The following BBS9 variants were observed in gnomAD, a reference collection of about 807,000 sequenced individuals.
BBS9 encodes protein PTHB1.
Under a neutral mutation model 117.7 loss-of-function variants are expected in BBS9, and 89 were observed. The ratio of observed to expected loss-of-function variants is 0.76; its 90% CI spans 0.64 to 0.90. The LOEUF (loss-of-function observed/expected upper bound fraction) is 0.90, where lower values mean the gene tolerates loss of function less well. Among genes scored for constraint, BBS9 ranks in the 40% least tolerant of loss-of-function variants. The probability of loss-of-function intolerance (pLI) is 0.00; values close to 1 mark genes in which losing one functional copy is unlikely to be tolerated. For synonymous variants in BBS9, 379 were observed against 370.9 expected, an observed-to-expected ratio of 1.02 and a Z score of -0.25; for missense variants, 982 against 1,042.2, an observed-to-expected ratio of 0.94 and a Z score of 0.80.
intron 9 of BBS9, among the ~76,000 whole-genome samples, chr7:33,307,986 G>T (rs944188768): frequency 6.6e-6 from 1 of 152,174 alleles, no homozygotes; most frequent in Non-Finnish European, 1.5e-5. Context: ...CTCCAAAGTG[G>T]CCTAAGTCGA....
chr7:33,495,746 A>C (rs1265063915), intron 19 of BBS9, among the ~76,000 whole-genome samples: 3 of 152,188 alleles, frequency 2.0e-5, no homozygotes, highest in Non-Finnish European at 4.4e-5. Flanking sequence ...CAGGCTTGAG[A>C]TCAGTTGTAT....
chr7:33,464,302 G>T (rs1300720973), intron 19 of BBS9, among the ~76,000 whole-genome samples: 1 of 152,032 alleles, frequency 6.6e-6, no homozygotes, highest in Non-Finnish European at 1.5e-5. Context: ...AAAACTAAGG[G>T]TTGTAGATCA....
chr7:33,563,426 C>G (rs1856387808), intron 21 of BBS9, among the ~76,000 whole-genome samples: 1 of 152,138 alleles, frequency 6.6e-6, no homozygotes, highest in Admixed American at 6.5e-5. Flanking sequence ...TCCACTGACA[C>G]AGGAGGTAAA....
At chr7:33,476,377 G>A (rs1841806521) in intron 19 of BBS9, among the ~76,000 whole-genome samples, 1 of 152,196 alleles carries the variant, frequency 6.6e-6, no homozygotes, top group South Asian at 2.1e-4. Context: ...TTAGAGGGAT[G>A]CAGGCATTTC....
chr7:33,469,172 C>A (rs959992047), intron 19 of BBS9, among the ~76,000 whole-genome samples: 6 of 152,104 alleles, frequency 3.9e-5, no homozygotes, highest in Non-Finnish European at 7.3e-5. Context: ...AATAAAGAGA[C>A]TGAGGAATGC....
chr7:33,404,483 A>C (rs1829558191), intron 19 of BBS9, among the ~76,000 whole-genome samples: 1 of 152,068 alleles, frequency 6.6e-6, no homozygotes. Context: ...TGAGCATGGA[A>C]TGTTCTTCCA....
At chr7:33,569,892 C>T (rs370109742) in intron 21 of BBS9, among the ~76,000 whole-genome samples, 52 of 152,178 alleles carry the variant, frequency 3.4e-4, no homozygotes, top group East Asian at 1.5e-3. Context: ...GGCCTGGGAG[C>T]AAAGACATAC....
At chr7:33,355,848 A>T (rs1211058031) in intron 15 of BBS9, among the ~76,000 whole-genome samples, 1 of 151,888 alleles carries the variant, frequency 6.6e-6, no homozygotes, top group African/African-American at 2.4e-5. Context: ...TCAAATATAT[A>T]GGCTCAGTCA....
chr7:33,536,353 T>C (rs1851366932), intron 21 of BBS9, among the ~76,000 whole-genome samples: 1 of 152,188 alleles, frequency 6.6e-6, no homozygotes, highest in Non-Finnish European at 1.5e-5. Flanking sequence ...AATTGTTAAA[T>C]CAGCACTTGT....
chr7:33,176,870 A>T (rs925147962), intron 4 of BBS9, among the ~76,000 whole-genome samples: 2 of 152,208 alleles, frequency 1.3e-5, no homozygotes, highest in African/African-American at 2.4e-5. Flanking sequence ...TTTGGAAAGA[A>T]CTAGAAAGTG....
rs777883238 is a variant in BBS9 at position 33,383,652 on chromosome 7, T to C, written c.1790-14T>C. On this transcript the variant is annotated splice_polypyrimidine_tract_variant and intron_variant, in intron 17 of 22. Transcript: ENST00000242067. ...TGTGTTACTAAGCATTTTTCCTTAA[T>C]TTTTTTCTCTCAGAACGATATCGCA... 4 of 1,591,930 alleles carry C rather than the reference T, an allele frequency of 2.5e-6. No homozygotes were observed. The highest frequency in any genetic ancestry group is 3.4e-6 in the Non-Finnish European group (4 of 1,166,110).
intron 19 of BBS9, among the ~76,000 whole-genome samples, chr7:33,492,469 G>T (rs1266239918): frequency 6.6e-6 from 1 of 152,126 alleles, no homozygotes; most frequent in East Asian, 1.9e-4. Context: ...CACTTATGAT[G>T]AGGACGATCT....
intron 19 of BBS9, among the ~76,000 whole-genome samples, chr7:33,499,336 G>T (rs1271762135): frequency 3.9e-5 from 6 of 152,298 alleles, no homozygotes; most frequent in Non-Finnish European, 7.4e-5. Flanking sequence ...ACATAAAGCT[G>T]CTTGGTAGCA....
intron 19 of BBS9, among the ~76,000 whole-genome samples, chr7:33,478,894 T>A (rs1842153953): frequency 7.7e-6 from 1 of 130,090 alleles, no homozygotes; most frequent in Non-Finnish European, 1.6e-5. Flanking sequence ...TTTTTTTTTT[T>A]AGCAATTTAA....
chr7:33,203,204 T>TA (rs1324005478), intron 5 of BBS9, among the ~76,000 whole-genome samples: 2 of 152,174 alleles, frequency 1.3e-5, no homozygotes, highest in African/African-American at 2.4e-5. Flanking sequence ...TGCTGGCTGA[T>TA]AAAAACTACA....
At chr7:33,544,177 A>ATTT (rs1563334801) in intron 21 of BBS9, among the ~76,000 whole-genome samples, 2 of 152,138 alleles carry the variant, frequency 1.3e-5, no homozygotes, top group Non-Finnish European at 2.9e-5. Flanking sequence ...CTTAATAACT[A>ATTT]ACCTCCTGAA....
intron 5 of BBS9, among the ~76,000 whole-genome samples, chr7:33,223,186 A>C (rs1052055371): frequency 1.3e-5 from 2 of 151,992 alleles, no homozygotes; most frequent in Non-Finnish European, 2.9e-5. Flanking sequence ...TTGACAAATA[A>C]AACTTTTATA....
chr7:33,370,382 A>T (rs937621855), intron 17 of BBS9, among the ~76,000 whole-genome samples: 4 of 152,042 alleles, frequency 2.6e-5, no homozygotes, highest in African/African-American at 9.7e-5. Context: ...AGGTGGGAGG[A>T]TCACTTAAGC....
At chr7:33,589,598 G>C (rs552477507) in intron 21 of BBS9, among the ~76,000 whole-genome samples, 1 of 152,204 alleles carries the variant, frequency 6.6e-6, no homozygotes, top group South Asian at 2.1e-4. Context: ...AGGAAGAAGG[G>C]AATTTAGAAT....
Sources: gnomAD v4.1 joint callset for allele counts (sites outside exome capture counted in the v4.1 genomes callset) on GRCh38, gnomAD v4.1.1 for gene constraint, MANE v1.5 for transcripts, NCBI Gene and HGNC (gene_info 2026-07-23, HGNC 2026-07-21) for gene names.